Variants in SEMA3D observed in about 807,000 individuals in gnomAD.
The protein encoded by SEMA3D is semaphorin-3D.
SEMA3D carries 84 observed loss-of-function variants against 100.1 expected under a neutral mutation model. That is an observed-to-expected ratio of 0.84 (90% confidence interval 0.70 to 1.01). SEMA3D has a LOEUF of 1.01. Among genes scored for constraint, SEMA3D ranks in the 50% least tolerant of loss-of-function variants. The pLI is 0.00. For missense variants in SEMA3D, 875 were observed against 934.1 expected (o/e 0.94, Z 0.82); for synonymous variants, 312 against 320.7 (o/e 0.97, Z 0.29).
chr7:85,167,520 T>G (rs184892773), intron 1 of SEMA3D: 1 of 306,936 alleles, frequency 3.3e-6, no homozygotes, highest in Admixed American at 6.5e-5. Context: ...TTATCTTAAT[T>G]TATTGTTATA....
At chr7:85,196,473 A>T in the SEMA3D span, among the ~76,000 whole-genome samples, 8 of 152,284 alleles carry the variant, frequency 5.3e-5, no homozygotes, top group South Asian at 1.4e-3. Context: ...ACTGTATTAG[A>T]TTAATAACTC....
At chr7:85,098,375 G>T (rs1788637935) in intron 3 of SEMA3D, among the ~76,000 whole-genome samples, 1 of 151,652 alleles carries the variant, frequency 6.6e-6, no homozygotes, top group Non-Finnish European at 1.5e-5. Flanking sequence ...TTACAACCCT[G>T]TGTTCACATT....
At chr7:85,170,469 GA>G (rs1472735708) in intron 1 of SEMA3D, among the ~76,000 whole-genome samples, 1 of 151,864 alleles carries the variant, frequency 6.6e-6, no homozygotes, top group Non-Finnish European at 1.5e-5. Flanking sequence ...GGGAAGGTTT[GA>G]ATCTCAGGGA....
At chr7:85,192,075 T>C in the SEMA3D span, among the ~76,000 whole-genome samples, 1 of 152,104 alleles carries the variant, frequency 6.6e-6, no homozygotes, top group East Asian at 1.9e-4. Flanking sequence ...TTCTTGCATA[T>C]TTTTATCTCC....
chr7:85,188,533 T>C (rs1223738859), upstream of SEMA3D, among the ~76,000 whole-genome samples: 1 of 152,260 alleles, frequency 6.6e-6, no homozygotes, highest in Admixed American at 6.5e-5. Flanking sequence ...GTATATGTCA[T>C]TGCACTTCCA....
chr7:85,144,830 A>C (rs1479404401), intron 2 of SEMA3D: 2 of 255,262 alleles, frequency 7.8e-6, no homozygotes, highest in Non-Finnish European at 1.2e-5. Flanking sequence ...AATGATTAAC[A>C]TTTCAAAGAT....
At chr7:85,053,371 C>G (rs901532108) in intron 9 of SEMA3D, among the ~76,000 whole-genome samples, 1 of 151,718 alleles carries the variant, frequency 6.6e-6, no homozygotes, top group African/African-American at 2.4e-5. Flanking sequence ...AAGAAAAAAA[C>G]AGTATTATAA....
At chr7:85,146,652 T>C (rs1221434235) in intron 2 of SEMA3D, among the ~76,000 whole-genome samples, 1 of 151,714 alleles carries the variant, frequency 6.6e-6, no homozygotes, top group Non-Finnish European at 1.5e-5. Context: ...CGAAAGAAAA[T>C]AAAAACTAGC....
intron 7 of SEMA3D, among the ~76,000 whole-genome samples, chr7:85,065,968 T>G (rs555332290): frequency 6.6e-6 from 1 of 152,314 alleles, no homozygotes; most frequent in Non-Finnish European, 1.5e-5. Flanking sequence ...TAGTATTTAC[T>G]TAACTGACAC....
intron 1 of SEMA3D, among the ~76,000 whole-genome samples, chr7:85,169,031 A>G (rs1392700904): frequency 1.3e-5 from 2 of 151,634 alleles, no homozygotes; most frequent in Non-Finnish European, 1.5e-5. Context: ...CTATGAGTTC[A>G]TGAGATAAAT....
At chr7:85,113,120 TAAG>T (rs1261628395) in intron 3 of SEMA3D, among the ~76,000 whole-genome samples, 11 of 152,302 alleles carry the variant, frequency 7.2e-5, no homozygotes, top group Admixed American at 6.5e-4. Flanking sequence ...TTGTGCAATT[TAAG>T]AAGATCATCT....
In SEMA3D at chr7:85,113,437, T is replaced by G. The variant is rs536445261; in HGVS notation, c.151+8304A>C. On this transcript the variant is annotated intron_variant, in intron 3 of 18. Coordinates refer to ENST00000284136, the MANE Select transcript of SEMA3D (RefSeq NM_001384900.1). Reference sequence around the variant, plus strand: ...ATTAAAGAGTATTATTTGGATAAAATGGTTATTACAACTCTATTGTTGTTT... The same window carrying G: ...ATTAAAGAGTATTATTTGGATAAAAGGGTTATTACAACTCTATTGTTGTTT... Among the ~76,000 whole-genome samples, 18 of 152,032 alleles carry G rather than the reference T, an allele frequency of 1.2e-4. 1 individual carries two copies. The South Asian group carries it at 3.7e-3, about 32-fold the overall frequency.
chr7:85,166,235 C>T (rs1049771480), intron 1 of SEMA3D, among the ~76,000 whole-genome samples: 3 of 151,990 alleles, frequency 2.0e-5, no homozygotes, highest in East Asian at 3.9e-4. Flanking sequence ...TTTTTCTACA[C>T]GATGTTGATC....
At chr7:85,224,328 T>C in the SEMA3D span, among the ~76,000 whole-genome samples, 1 of 152,196 alleles carries the variant, frequency 6.6e-6, no homozygotes, top group Non-Finnish European at 1.5e-5. Context: ...AATCTTGAAG[T>C]CCTGAGGCCA....
rs559607285 is a variant in SEMA3D at position 85,101,548 on chromosome 7, C to T, written c.152-3583G>A. 3.3e-5 allele frequency among the ~76,000 whole-genome samples: 5 copies of T among 151,774 alleles called. No homozygotes were observed. In the East Asian group the frequency reaches 9.8e-4, roughly 30 times the overall value. On this transcript the variant is annotated intron_variant, in intron 3 of 18. Transcript: ENST00000284136. ...CTCATCTGTAAAGTGAGGATAAAAC[C>T]GGAAATGATGTGATAAGCCATGTTG...
chr7:85,227,357 A>G, the SEMA3D span, among the ~76,000 whole-genome samples: 6 of 152,168 alleles, frequency 3.9e-5, no homozygotes, highest in Non-Finnish European at 7.4e-5. Context: ...TTATTGGATC[A>G]TGAGGGCAGA....
At chr7:85,005,251 A>T (rs761826156) in intron 18 of SEMA3D, among the ~76,000 whole-genome samples, 1 of 151,934 alleles carries the variant, frequency 6.6e-6, no homozygotes, top group Non-Finnish European at 1.5e-5. Context: ...AAATTTCAGT[A>T]TCATTCTTTC....
chr7:85,222,406 A>G, the SEMA3D span, among the ~76,000 whole-genome samples: 1 of 152,080 alleles, frequency 6.6e-6, no homozygotes, highest in Non-Finnish European at 1.5e-5. Flanking sequence ...CACTATACAT[A>G]TATTACATAT....
intron 2 of SEMA3D, among the ~76,000 whole-genome samples, chr7:85,147,263 C>T (rs1051272729): frequency 2.0e-5 from 3 of 151,602 alleles, no homozygotes; most frequent in Non-Finnish European, 2.9e-5. Context: ...CCACCATGCC[C>T]GGCTAATTTT....
Sources: allele counts gnomAD v4.1 joint callset (sites outside exome capture counted in the v4.1 genomes callset), GRCh38; gene constraint gnomAD v4.1.1; transcripts MANE v1.5; gene names NCBI Gene and HGNC (gene_info 2026-07-23, HGNC 2026-07-21).